Variants in OBSL1 observed in about 807,000 individuals in gnomAD.
The protein encoded by OBSL1 is obscurin like cytoskeletal adaptor 1.
In OBSL1, 160 loss-of-function variants were observed where a neutral mutation model predicts 172.0. That is an observed-to-expected ratio of 0.93 (90% CI 0.82 to 1.06). OBSL1 has a LOEUF of 1.06. OBSL1 is among the 50% of genes least tolerant of loss of function. The probability of loss-of-function intolerance (pLI) is 0.00; values close to 1 mark genes in which losing one functional copy is unlikely to be tolerated. For missense variants in OBSL1, 2,681 were observed against 2,715.4 expected, an observed-to-expected ratio of 0.99 and a Z score of 0.28; for synonymous variants, 1,200 against 1,196.3, an observed-to-expected ratio of 1.00 and a Z score of -0.06.
chr2:219,552,587 G>C lies in OBSL1; in HGVS notation c.5257C>G (p.Leu1753Val). ...SEVETTGRWELGGRPLRPGAR... is the reference protein window; with the variant it reads ...SEVETTGRWEVGGRPLRPGAR... ...CCGGGTCTCAGCGGGCGGCCTCCGA[G>C]CTCCCAGCGCCCCGTGGTCTCGACC... Residue 1753 changes from leucine to valine, a missense_variant, in exon 18 of 21, where the codon CTC (leucine) becomes GTC (valine). Coordinates refer to ENST00000404537, the MANE Select transcript of OBSL1 (RefSeq NM_015311.3). 1.9e-6 allele frequency: 3 copies of C among 1,588,078 alleles called. No individual in the cohort carries two copies. The highest frequency in any genetic ancestry group is 2.6e-6 in the Non-Finnish European group (3 of 1,173,678).
chr2:219,551,096 G>C, intron 20 of OBSL1: 1 of 1,411,718 alleles, frequency 7.1e-7, no homozygotes, highest in South Asian at 1.6e-5. Flanking sequence ...GAAGAGGAAA[G>C]AAAGAGGCTT....
chr2:219,570,382 C>T lies in OBSL1; in HGVS notation c.851G>A (p.Arg284His), dbSNP rs200780633. Residue 284 changes from arginine (R) to histidine (H), a missense_variant, in exon 1 of 21, where the codon CGC becomes CAC. Arg to His is a conservative substitution (Grantham distance 29). This residue lies in a region of OBSL1 where 706 missense variants were observed against 695.8 expected (regional missense o/e 1.01). Transcript: ENST00000404537. Reference protein sequence around the residue: ...EPEIEWHWEGRPLLPDRRRLM... With the variant: ...EPEIEWHWEGHPLLPDRRRLM... ...GCGGCGGCGGTCCGGGAGCAGCGGG[C>T]GGCCCTCCCAGTGCCATTCGATCTC... 427 of 1,613,022 alleles carry T rather than the reference C, an allele frequency of 2.6e-4. 2 individuals are homozygous for T. The East Asian group carries it at 8.7e-3, about 33-fold the overall frequency.
chr2:219,568,004 C>G lies in OBSL1; in HGVS notation c.1283-35G>C. The G allele has an allele frequency of 6.2e-7, 1 of 1,609,364 alleles. No individual in the cohort carries two copies. Among genetic ancestry groups the G allele is most frequent in the South Asian group, 1.1e-5 (1 of 91,014 alleles). ...GGACAGGAATCCATCAACCTGGAAT[C>G]TGAGCACCTGCCTGCCTCCGCCTCA... On this transcript the variant is annotated intron_variant, in intron 2 of 20. Transcript: ENST00000404537. The surrounding 1 kb of genome is among the most constrained non-coding windows in gnomAD (Gnocchi z 4.1).
intron 1 of OBSL1, chr2:219,569,089 G>C (rs200469360): frequency 7.5e-6 from 1 of 133,416 alleles, no homozygotes; most frequent in African/African-American, 2.9e-5. Context: ...AAAAAAAAAA[G>C]AAAAGAAAAG....
chr2:219,552,301 G>A (rs1695675061), intron 18 of OBSL1, 85 bp from the exon 19 acceptor site: 1 of 1,311,246 alleles, frequency 7.6e-7, no homozygotes, highest in Non-Finnish European at 1.1e-6. Flanking sequence ...AGGCCCCTGG[G>A]TCGGTTCGGA....
At chr2:219,561,778 C>A in intron 8 of OBSL1, 2 of 683,484 alleles carry the variant, frequency 2.9e-6, no homozygotes, top group Admixed American at 2.2e-5. Flanking sequence ...CAAATGCCCA[C>A]AGGGGCCAGG....
At chr2:219,547,718 C>G (rs545327879), downstream of OBSL1, 2 of 1,582,792 alleles carry the variant, frequency 1.3e-6, no homozygotes, top group African/African-American at 2.7e-5. Context: ...GCTGCTCGGC[C>G]TGCTGCTCGC....
At position 219,550,814 on chromosome 2, in the gene OBSL1, G is replaced by A. The variant is rs762619841; in HGVS notation, c.*21C>T. ...CCTTCCAAGCTGTCCAAGGGCACCC[G>A]CCTGGCCTGGTTAGGTTCTCCTAGT... On this transcript the variant is annotated 3_prime_UTR_variant, in exon 21 of 21. Coordinates refer to ENST00000404537, the MANE Select transcript of OBSL1 (RefSeq NM_015311.3). The A allele has an allele frequency of 1.8e-5, 29 of 1,610,250 alleles. No individual in the cohort carries two copies. The highest frequency in any genetic ancestry group is 2.4e-5 in the Non-Finnish European group (28 of 1,178,456).
Position 219,559,237 on chromosome 2 carries a change from CAGTG to C in OBSL1, c.3210_3213del (p.Phe1070LeufsTer68). 1 of 1,604,966 alleles carries C rather than the reference CAGTG, an allele frequency of 6.2e-7. No individual in the cohort carries two copies. Among genetic ancestry groups the C allele is most frequent in the Non-Finnish European group, 8.5e-7 (1 of 1,173,394 alleles). On this transcript the variant is annotated frameshift_variant, in exon 9 of 21. Coordinates refer to ENST00000404537, the MANE Select transcript of OBSL1 (RefSeq NM_015311.3). LOFTEE classifies it high-confidence loss of function. The stretch of plus-strand genomic sequence containing the variant: ...AGAGACTGCCCACCTGTGACAGTGA[CAGTG>C]AAGAAGGCCGAGTCATCTCCAGCAT...
chr2:219,553,076 A>ACCCCGGCCCTGGCAGGCGG, intron 16 of OBSL1, 52 bp from the exon 17 acceptor site: 2 of 1,407,142 alleles, frequency 1.4e-6, no homozygotes, highest in Non-Finnish European at 1.8e-6. Flanking sequence ...GGCACAGGCG[A>ACCCCGGCCCTGGCAGGCGG]CCCCGGCCCT....
chr2:219,553,604 G>C lies in OBSL1; in HGVS notation c.4959C>G (p.Ser1653=). The C allele has an allele frequency of 6.2e-7, 1 of 1,613,874 alleles. No individual in the cohort carries two copies. The highest frequency in any genetic ancestry group is 8.5e-7 in the Non-Finnish European group (1 of 1,179,870). ...CCCAGGTAACATCAGCCAAAGCTTG[G>C]GAAAGCTCGCACTCGAACGTAGCTG... ...GDTATFECEL[S]QALADVTWEK... is the part of the protein sequence containing the mutation. The change falls in exon 16 of 21, where the codon TCC becomes TCG. Residue 1653 remains serine (S), a synonymous_variant. Coordinates refer to ENST00000404537, the MANE Select transcript of OBSL1 (RefSeq NM_015311.3).
intron 6 of OBSL1, among the ~76,000 whole-genome samples, chr2:219,564,488 A>T (rs1696728770): frequency 6.6e-6 from 1 of 152,246 alleles, no homozygotes; most frequent in Admixed American, 6.5e-5. Context: ...TAAATGAAAG[A>T]GTGTATATTG....
intron 15 of OBSL1, 132 bp from the exon 16 acceptor site, chr2:219,553,818 G>C (rs1389598587): frequency 5.5e-6 from 3 of 542,544 alleles, no homozygotes; most frequent in Non-Finnish European, 1.0e-5. Context: ...GCTGGGACAA[G>C]TGGTCCAAGA....
intron 20 of OBSL1, chr2:219,551,096 G>GA: frequency 1.1e-5 from 16 of 1,411,720 alleles, no homozygotes; most frequent in Non-Finnish European, 1.5e-5. Flanking sequence ...GAAGAGGAAA[G>GA]AAAGAGGCTT....
In OBSL1 at chr2:219,568,692, C is replaced by T. The variant is rs75063691; in HGVS notation, c.1013-368G>A. The stretch of plus-strand genomic sequence containing the variant: ...TTCCAAACTGTTCCCTGGCTCCCCC[C>T]GCCCCAGTCATTTCACATATTCTGC... On this transcript the variant is annotated intron_variant, in intron 1 of 20. Coordinates refer to ENST00000404537, the MANE Select transcript of OBSL1 (RefSeq NM_015311.3). The surrounding 1 kb of genome is among the most constrained non-coding windows in gnomAD (Gnocchi z 4.1). 0.019 allele frequency among the ~76,000 whole-genome samples: 2,916 copies of T among 152,214 alleles called. 65 individuals carry two copies. Among genetic ancestry groups the T allele is most frequent in the Non-Finnish European group, 0.028 (1,877 of 68,008 alleles).
Position 219,557,531 on chromosome 2 carries a change from A to G in OBSL1, c.3878T>C (p.Leu1293Pro). 1 of 1,553,340 alleles carries G rather than the reference A, an allele frequency of 6.4e-7. No homozygotes were observed. Among genetic ancestry groups the G allele is most frequent in the Non-Finnish European group, 8.7e-7 (1 of 1,148,884 alleles). The change falls in exon 12 of 21, where the codon CTC becomes CCC. Residue 1293 changes from leucine to proline, a missense_variant. Around this residue, in one of 5 missense-constraint regions of OBSL1, gnomAD observed 1,765 missense variants for 1,748.3 expected, o/e 1.01. Transcript: ENST00000404537. Reference sequence around the variant, plus strand: ...GCGTACAGGGCCCCCTGGCCCGGAGAGGTGCACCACCAGCTCTAGGTCCCC... The same window carrying G: ...GCGTACAGGGCCCCCTGGCCCGGAGGGGTGCACCACCAGCTCTAGGTCCCC... ...PGGDLELVVH[L>P]SGPGGPVRWY...
intron 8 of OBSL1, among the ~76,000 whole-genome samples, chr2:219,559,819 T>TA (rs1696330733): frequency 6.6e-6 from 1 of 152,138 alleles, no homozygotes; most frequent in Non-Finnish European, 1.5e-5. Flanking sequence ...CTAAGCAGGA[T>TA]AGATTGAAAG....
At chr2:219,549,728 G>C (rs1264060439), downstream of OBSL1, 2 of 1,613,758 alleles carry the variant, frequency 1.2e-6, no homozygotes, top group Admixed American at 1.7e-5. Context: ...GCTATATCCA[G>C]AGCTTCCGAG....
downstream of OBSL1, chr2:219,547,867 C>A: frequency 1.3e-6 from 2 of 1,589,854 alleles, no homozygotes; most frequent in Non-Finnish European, 1.7e-6. Context: ...CCCTGGCCAC[C>A]GCCGTGACTG....
Sources: gnomAD v4.1 joint callset for allele counts (sites outside exome capture counted in the v4.1 genomes callset) on GRCh38, gnomAD v4.1.1 for gene constraint, gnomAD v4.1.1 regional missense constraint, Gnocchi (gnomAD v3.1) non-coding constraint, MANE v1.5 for transcripts, NCBI Gene and HGNC (gene_info 2026-07-23, HGNC 2026-07-21) for gene names.